Variants in ADCY3 observed in about 807,000 individuals in gnomAD.
ADCY3 encodes the protein adenylate cyclase 3.
ADCY3 carries 70 observed loss-of-function variants against 119.4 expected under a neutral mutation model. That is an observed-to-expected ratio of 0.59 (90% CI 0.48 to 0.72). The LOEUF is 0.72. Among genes scored for constraint, ADCY3 ranks in the 30% least tolerant of loss-of-function variants. The pLI, the probability that ADCY3 is intolerant of heterozygous loss-of-function variation, is 0.00. For missense variants in ADCY3, 1,238 were observed against 1,541.6 expected, an observed-to-expected ratio of 0.80 and a Z score of 3.30; for synonymous variants, 672 against 621.4, an observed-to-expected ratio of 1.08 and a Z score of -1.21.
Position 24,838,404 on chromosome 2 carries a change from G to T in ADCY3, c.1533+41C>A, listed in dbSNP as rs1415553919. 1.5e-5 allele frequency: 12 copies of T among 787,480 alleles called. No individual in the cohort carries two copies. The East Asian group carries it at 3.7e-4, about 25-fold the overall frequency. 48.8% of individuals were successfully genotyped at this position (787,480 alleles called of 1,614,324 possible). ...TCCTTTCCAACCCCCTAATCCAGGGGTGGGGTGGGTGGGGTGGGTGGGGTG... is the reference window on the plus strand; with the variant it reads ...TCCTTTCCAACCCCCTAATCCAGGGTTGGGGTGGGTGGGGTGGGTGGGGTG... On this transcript the variant is annotated intron_variant, in intron 8 of 21. Coordinates refer to ENST00000679454, the MANE Select transcript of ADCY3 (RefSeq NM_004036.5).
chr2:24,906,980 A>C (rs924615765), intron 2 of ADCY3, among the ~76,000 whole-genome samples: 3 of 152,040 alleles, frequency 2.0e-5, no homozygotes, highest in African/African-American at 7.2e-5. Context: ...AAAATACAAA[A>C]ATTAGCCAGG....
At chr2:24,871,357 C>G (rs1674987215) in intron 3 of ADCY3, among the ~76,000 whole-genome samples, 1 of 152,238 alleles carries the variant, frequency 6.6e-6, no homozygotes, top group African/African-American at 2.4e-5. Context: ...ATACGATGGG[C>G]TACTAAGCCT....
At chr2:24,856,706 A>C (rs1673041683) in intron 3 of ADCY3, among the ~76,000 whole-genome samples, 1 of 152,194 alleles carries the variant, frequency 6.6e-6, no homozygotes, top group Admixed American at 6.5e-5. Flanking sequence ...CCTGCCCAAG[A>C]GATGTGTTCC....
chr2:24,896,096 T>G (rs1222323539), intron 2 of ADCY3, among the ~76,000 whole-genome samples: 1 of 152,142 alleles, frequency 6.6e-6, no homozygotes, highest in Middle Eastern at 3.2e-3. Flanking sequence ...TTATAAAAGT[T>G]ATATTCGGGC....
intron 3 of ADCY3, among the ~76,000 whole-genome samples, chr2:24,862,029 G>T (rs112633725): frequency 2.6e-5 from 4 of 152,314 alleles, no homozygotes; most frequent in African/African-American, 9.6e-5. Context: ...AGAAAGCCAG[G>T]GCTCACAGTC....
rs1477244879 is a variant in ADCY3, at chr2:24,872,336, A to G, written c.825+234T>C. ...ACAAAGAGCAGGAAGGCAGAAGAGG[A>G]GAGATCTGGGTCAAGCAGAAGCAGA... is the stretch of plus-strand genomic sequence containing the variant. On this transcript the variant is annotated intron_variant, in intron 3 of 21. Coordinates refer to ENST00000679454, the MANE Select transcript of ADCY3 (RefSeq NM_004036.5). The surrounding 1 kb of genome is among the most constrained non-coding windows in gnomAD (Gnocchi z 4.4). 6.6e-6 allele frequency among the ~76,000 whole-genome samples: 1 copy of G among 152,182 alleles called. No homozygotes were observed. The highest frequency in any genetic ancestry group is 1.5e-5 in the Non-Finnish European group (1 of 68,030).
chr2:24,852,526 TGAG>T (rs1440074666), intron 3 of ADCY3, among the ~76,000 whole-genome samples: 3 of 152,104 alleles, frequency 2.0e-5, no homozygotes. Flanking sequence ...CCTCACAGGC[TGAG>T]GAGAGGAGGG....
At chr2:24,886,007 T>C (rs1318883178) in intron 2 of ADCY3, among the ~76,000 whole-genome samples, 1 of 152,224 alleles carries the variant, frequency 6.6e-6, no homozygotes, top group Non-Finnish European at 1.5e-5. Flanking sequence ...AGCTTCTCAT[T>C]TTACTTGCTA....
rs768733760 is a variant in ADCY3, at chr2:24,872,570, C to G, written c.825G>C (p.Gln275His). ...KMNLEEQSQQ[Q>H]ENLMLSILPK... Reference sequence around the variant, plus strand: ...GCCCGAGGCCTCCCGAGAGCCTCACCTGCTGCTGGCTCTGCTCTTCCAGGT... The same window carrying G: ...GCCCGAGGCCTCCCGAGAGCCTCACGTGCTGCTGGCTCTGCTCTTCCAGGT... The change falls in exon 3 of 22, where the codon CAG becomes CAC. Residue 275 changes from glutamine (Q) to histidine (H), a missense_variant and splice_region_variant. By Grantham distance (24) the Gln-to-His change is conservative. Transcript: ENST00000679454. The surrounding 1 kb of genome is among the most constrained non-coding windows in gnomAD (Gnocchi z 4.4). 6.2e-7 allele frequency: 1 copy of G among 1,613,946 alleles called. No individual in the cohort carries two copies. The highest frequency in any genetic ancestry group is 8.5e-7 in the Non-Finnish European group (1 of 1,179,854).
chr2:24,879,820 C>G (rs948773595), intron 2 of ADCY3, among the ~76,000 whole-genome samples: 2 of 152,050 alleles, frequency 1.3e-5, no homozygotes, highest in Non-Finnish European at 2.9e-5. Flanking sequence ...TGGGTGTCTG[C>G]CAAGGCGGGG....
chr2:24,888,261 G>A (rs58557306), intron 2 of ADCY3, among the ~76,000 whole-genome samples: 2,705 of 152,338 alleles, frequency 0.018, 72 homozygotes, highest in African/African-American at 0.062. Flanking sequence ...TGCTGCCTGT[G>A]TCACTGTGCA....
In ADCY3 at chr2:24,865,489, CTGTGTGTGTG is replaced by C. The variant is rs3222240; in HGVS notation, c.825+7071_825+7080del. On this transcript the variant is annotated intron_variant, in intron 3 of 21. Transcript: ENST00000679454. ...TACAAAAGAGTGAATAGGCTATCATCTGTGTGTGTGTGTGTGTGTGTGTGTGTGTGTGTGT... is the reference window on the plus strand; with the variant it reads ...TACAAAAGAGTGAATAGGCTATCATCTGTGTGTGTGTGTGTGTGTGTGTGT... 4.8e-3 allele frequency among the ~76,000 whole-genome samples: 674 copies of C among 140,524 alleles called. 2 individuals carry two copies. The highest frequency in any genetic ancestry group is 0.013 in the African/African-American group (504 of 38,874). The allele number at this position is 140,524 out of a possible 152,430, so 92.2% of individuals were successfully genotyped here. A position where few individuals can be genotyped will look rare whatever the true frequency, so the allele number is the denominator to read the frequency against.
At chr2:24,907,051 A>G (rs1193361814) in intron 2 of ADCY3, among the ~76,000 whole-genome samples, 1 of 152,090 alleles carries the variant, frequency 6.6e-6, no homozygotes, top group Non-Finnish European at 1.5e-5. Context: ...GAATCACTTA[A>G]ACCCAGGAGG....
chr2:24,847,811 G>A (rs561509362), intron 3 of ADCY3, among the ~76,000 whole-genome samples: 1 of 152,352 alleles, frequency 6.6e-6, no homozygotes, highest in East Asian at 1.9e-4. Context: ...GCCTCTCAAG[G>A]CAGACAGCTG....
At chr2:24,836,687 A>G (rs1670365129) in intron 9 of ADCY3, among the ~76,000 whole-genome samples, 1 of 152,138 alleles carries the variant, frequency 6.6e-6, no homozygotes, top group African/African-American at 2.4e-5. Context: ...CCTCCGAGCT[A>G]AGCACCTCTT....
At chr2:24,881,497 G>A (rs1006887865) in intron 2 of ADCY3, among the ~76,000 whole-genome samples, 10 of 152,238 alleles carry the variant, frequency 6.6e-5, no homozygotes, top group Admixed American at 4.6e-4. Context: ...CAGTGCAAAG[G>A]AGACCCCCCT....
intron 3 of ADCY3, among the ~76,000 whole-genome samples, chr2:24,845,756 T>C (rs1298536684): frequency 6.6e-6 from 1 of 152,258 alleles, no homozygotes; most frequent in African/African-American, 2.4e-5. Flanking sequence ...CTCCAGGGCA[T>C]GTCAGAGACC....
intron 2 of ADCY3, among the ~76,000 whole-genome samples, chr2:24,874,427 C>A (rs1347261329): frequency 6.6e-6 from 1 of 152,230 alleles, no homozygotes; most frequent in Non-Finnish European, 1.5e-5. Context: ...ACCCAGTCAA[C>A]ACCTGAATGG....
chr2:24,852,116 C>T (rs918321340), intron 3 of ADCY3, among the ~76,000 whole-genome samples: 24 of 152,280 alleles, frequency 1.6e-4, no homozygotes, highest in African/African-American at 5.3e-4. Context: ...TGGACACCCT[C>T]CCCAGGGCTC....
Sources: allele counts gnomAD v4.1 joint callset (sites outside exome capture counted in the v4.1 genomes callset), GRCh38; gene constraint gnomAD v4.1.1; non-coding constraint Gnocchi (gnomAD v3.1); transcripts MANE v1.5; gene names NCBI Gene and HGNC (gene_info 2026-07-23, HGNC 2026-07-21).